The following LRGUK variants were observed in gnomAD, a reference collection of about 807,000 sequenced individuals.
LRGUK encodes the protein leucine rich repeats and guanylate kinase domain containing, also known as leucine-rich repeat and guanylate kinase domain-containing protein.
A neutral mutation model predicts 76.0 loss-of-function variants in LRGUK; 65 were observed. That is an observed-to-expected ratio of 0.85 (90% confidence interval 0.70 to 1.05). The LOEUF is 1.05. Ranked by LOEUF, LRGUK falls within the 50% of genes least tolerant of loss-of-function variation. The probability of loss-of-function intolerance (pLI) is 0.00; values close to 1 mark genes in which losing one functional copy is unlikely to be tolerated. For missense variants in LRGUK, 758 were observed against 732.8 expected (o/e 1.03, Z -0.40); for synonymous variants, 268 against 265.6 (o/e 1.01, Z -0.09).
chr7:134,189,457 A>G (rs1241724983), intron 11 of LRGUK, among the ~76,000 whole-genome samples: 1 of 152,174 alleles, frequency 6.6e-6, no homozygotes, highest in African/African-American at 2.4e-5. Flanking sequence ...TTAAAAAAAC[A>G]CAGATCATCT....
downstream of LRGUK, among the ~76,000 whole-genome samples, chr7:134,210,557 C>G (rs900427731): frequency 6.6e-6 from 1 of 152,168 alleles, no homozygotes. Flanking sequence ...GGAGGGCCAG[C>G]CCTCACCCGG....
downstream of LRGUK, among the ~76,000 whole-genome samples, chr7:134,265,686 C>T (rs140434187): frequency 3.6e-3 from 545 of 152,310 alleles, 4 homozygotes; most frequent in African/African-American, 0.012. Context: ...TCCTCCTTCT[C>T]TCTGCTGGGA....
chr7:134,192,464 T>G (rs2117056260), intron 12 of LRGUK, among the ~76,000 whole-genome samples: 2 of 152,298 alleles, frequency 1.3e-5, no homozygotes, highest in Middle Eastern at 3.4e-3. Flanking sequence ...AAGTTTTGGG[T>G]TTTTGCATTT....
intron 19 of LRGUK, among the ~76,000 whole-genome samples, chr7:134,261,304 C>A (rs1250776229): frequency 1.3e-5 from 2 of 151,240 alleles, no homozygotes; most frequent in Non-Finnish European, 2.9e-5. Flanking sequence ...TTTTTTTTTA[C>A]ATAAATGTAA....
intron 7 of LRGUK, among the ~76,000 whole-genome samples, chr7:134,172,699 C>T (rs780005306): frequency 1.3e-5 from 2 of 152,064 alleles, no homozygotes; most frequent in African/African-American, 2.4e-5. Context: ...AAGAGCAGGC[C>T]AGTGTGGTGG....
At chr7:134,157,307 G>C (rs1798510555) in intron 5 of LRGUK, among the ~76,000 whole-genome samples, 1 of 152,170 alleles carries the variant, frequency 6.6e-6, no homozygotes. Context: ...CATCTCCCAG[G>C]CTCTTAGCCC....
At chr7:134,139,550 A>G in intron 3 of LRGUK, 33 bp downstream of exon 3, 1 of 1,391,746 alleles carries the variant, frequency 7.2e-7, no homozygotes, top group Non-Finnish European at 1.0e-6. Context: ...TGATCACTGA[A>G]TTATCTGAAA....
At chr7:134,269,636 C>T in the LRGUK span, among the ~76,000 whole-genome samples, 1 of 152,238 alleles carries the variant, frequency 6.6e-6, no homozygotes, top group South Asian at 2.1e-4. Context: ...AGGTGTAAGC[C>T]ACTGTGCCTA....
exon 3 of LRGUK, chr7:134,139,453 T>C (rs750085622): frequency 5.0e-6 from 8 of 1,609,322 alleles, no homozygotes; most frequent in Middle Eastern, 3.3e-4. Flanking sequence ...ATTTAATTGA[T>C]GTTAGCATTC....
chr7:134,241,554 G>A (rs1301632907), intron 16 of LRGUK, among the ~76,000 whole-genome samples: 1 of 152,172 alleles, frequency 6.6e-6, no homozygotes, highest in Middle Eastern at 3.2e-3. Flanking sequence ...GATTCATAAA[G>A]CAAGTCCTTA....
chr7:134,168,590 G>A (rs1799098954), intron 7 of LRGUK, among the ~76,000 whole-genome samples: 1 of 152,158 alleles, frequency 6.6e-6, no homozygotes, highest in Non-Finnish European at 1.5e-5. Flanking sequence ...GAGCTGAGAG[G>A]ACAAGGGCCT....
At chr7:134,247,746 A>T in intron 17 of LRGUK, 102 bp downstream of exon 17, 1 of 799,954 alleles carries the variant, frequency 1.3e-6, no homozygotes, top group African/African-American at 1.7e-5. Context: ...TCTGTCCTAA[A>T]ATGGACCCAG....
intron 6 of LRGUK, among the ~76,000 whole-genome samples, chr7:134,161,839 C>G (rs1056097973): frequency 6.6e-6 from 1 of 151,504 alleles, no homozygotes; most frequent in East Asian, 2.0e-4. Context: ...TACAGGCACC[C>G]GCCACCACGC....
At chr7:134,228,264 A>G (rs1371860719) in intron 16 of LRGUK, among the ~76,000 whole-genome samples, 1 of 152,220 alleles carries the variant, frequency 6.6e-6, no homozygotes, top group Non-Finnish European at 1.5e-5. Context: ...TATCATCCAA[A>G]AATGAAGGTG....
At chr7:134,255,188 G>A (rs2117219432) in intron 18 of LRGUK, among the ~76,000 whole-genome samples, 1 of 151,082 alleles carries the variant, frequency 6.6e-6, no homozygotes, top group South Asian at 2.1e-4. Flanking sequence ...CCACATGCCA[G>A]TTTCCGTTCT....
At chr7:134,221,246 C>T (rs111784467) in intron 15 of LRGUK, among the ~76,000 whole-genome samples, 126 of 152,160 alleles carry the variant, frequency 8.3e-4, no homozygotes, top group Middle Eastern at 3.4e-3. Context: ...ACTCCTAGCC[C>T]TCTGTGAATG....
intron 3 of LRGUK, among the ~76,000 whole-genome samples, chr7:134,141,904 A>C (rs1216424251): frequency 1.3e-5 from 2 of 152,222 alleles, no homozygotes; most frequent in Non-Finnish European, 2.9e-5. Flanking sequence ...TTAGTAAGGA[A>C]GGGCATGGTT....
At chr7:134,229,930 A>G (rs563673258) in intron 16 of LRGUK, among the ~76,000 whole-genome samples, 121 of 152,282 alleles carry the variant, frequency 7.9e-4, no homozygotes, top group African/African-American at 2.8e-3. Flanking sequence ...CAAAATAATA[A>G]TAGTTCAAAA....
chr7:134,131,792 G>A (rs1797318342), intron 1 of LRGUK, among the ~76,000 whole-genome samples: 1 of 152,128 alleles, frequency 6.6e-6, no homozygotes, highest in Non-Finnish European at 1.5e-5. Context: ...TATGCGTTAA[G>A]GAGTTGGATA....
Sources: gnomAD v4.1 joint callset for allele counts (sites outside exome capture counted in the v4.1 genomes callset) on GRCh38, gnomAD v4.1.1 for gene constraint, MANE v1.5 for transcripts, NCBI Gene and HGNC (gene_info 2026-07-23, HGNC 2026-07-21) for gene names.